The following ATAD2B variants were observed in gnomAD, a reference collection of about 807,000 sequenced individuals.
ATAD2B encodes ATPase family AAA domain-containing protein 2B.
ATAD2B carries 40 observed loss-of-function variants against 167.6 expected under a neutral mutation model. That is an observed-to-expected ratio of 0.24 (90% CI 0.19 to 0.31). The LOEUF (loss-of-function observed/expected upper bound fraction) is 0.31. ATAD2B is among the 10% of genes least tolerant of loss of function. ATAD2B has a pLI of 1.00. For missense variants in ATAD2B, 1,242 were observed against 1,757.2 expected, an observed-to-expected ratio of 0.71 and a Z score of 5.24; for synonymous variants, 579 against 596.5, an observed-to-expected ratio of 0.97 and a Z score of 0.43.
chr2:23,922,782 G>C (rs1202004937), intron 1 of ATAD2B, among the ~76,000 whole-genome samples: 1 of 150,568 alleles, frequency 6.6e-6, no homozygotes, highest in Non-Finnish European at 1.5e-5. Context: ...AATCATCAGG[G>C]AAATGCAAAT....
chr2:23,885,766 T>G lies in ATAD2B; in HGVS notation c.636A>C (p.Gly212=), dbSNP rs767072941. Residue 212 remains glycine, a synonymous_variant, in exon 5 of 28, where the codon GGA becomes GGC. Transcript: ENST00000238789. ...NINIRRNRRS[G]EVERLRMWTD... is the part of the protein sequence containing the mutation. ...TCCACATTCGAAGTCGTTCTACTTC[T>G]CCTGATCGACGATTCCGTCGGATGT... 6.2e-6 allele frequency: 10 copies of G among 1,600,566 alleles called. No individual in the cohort carries two copies. The Admixed American group carries it at 1.5e-4, about 25-fold the overall frequency.
At chr2:23,741,825 A>T in the ATAD2B span, among the ~76,000 whole-genome samples, 1 of 152,254 alleles carries the variant, frequency 6.6e-6, no homozygotes, top group Non-Finnish European at 1.5e-5. Flanking sequence ...GCTAATATTC[A>T]GAATCTACAA....
chr2:23,699,485 C>T, the ATAD2B span, among the ~76,000 whole-genome samples: 2 of 152,230 alleles, frequency 1.3e-5, no homozygotes, highest in Non-Finnish European at 2.9e-5. Context: ...GATATTCCAG[C>T]TTCCCCATGA....
the ATAD2B span, among the ~76,000 whole-genome samples, chr2:23,718,169 G>A: frequency 3.3e-5 from 5 of 152,222 alleles, no homozygotes; most frequent in Admixed American, 6.5e-5. Flanking sequence ...AAACTGGGTA[G>A]GAAAAGGAAG....
At chr2:23,808,080 A>ATTATATATATAATTATATATATAAGTAG (rs1684858213) in intron 18 of ATAD2B, among the ~76,000 whole-genome samples, 1 of 132,702 alleles carries the variant, frequency 7.5e-6, no homozygotes, top group African/African-American at 2.8e-5. Context: ...TATATAAGTA[A>ATTATATATATAATTATATATATAAGTAG]TTATATATAT....
chr2:23,720,042 G>A, the ATAD2B span, among the ~76,000 whole-genome samples: 2 of 152,202 alleles, frequency 1.3e-5, no homozygotes, highest in African/African-American at 2.4e-5. Context: ...TCATTTACTA[G>A]GGCTGAGGTA....
intron 20 of ATAD2B, among the ~76,000 whole-genome samples, chr2:23,787,741 G>C (rs1165990527): frequency 6.6e-6 from 1 of 151,970 alleles, no homozygotes; most frequent in East Asian, 1.9e-4. Flanking sequence ...ATGGAACAAG[G>C]GTAAAGAGGC....
chr2:23,922,890 T>G (rs1013461883), intron 1 of ATAD2B, among the ~76,000 whole-genome samples: 1 of 152,008 alleles, frequency 6.6e-6, no homozygotes, highest in African/African-American at 2.4e-5. Flanking sequence ...AAAAAGGGAA[T>G]CCTGGTACAT....
At chr2:23,912,996 A>G (rs1702522894) in intron 1 of ATAD2B, among the ~76,000 whole-genome samples, 2 of 152,188 alleles carry the variant, frequency 1.3e-5, no homozygotes, top group Admixed American at 6.5e-5. Context: ...AATCTGTCTC[A>G]AAAATAAATA....
intron 13 of ATAD2B, among the ~76,000 whole-genome samples, chr2:23,852,540 G>C (rs1352367740): frequency 1.3e-5 from 2 of 152,120 alleles, no homozygotes; most frequent in Non-Finnish European, 2.9e-5. Context: ...TTTTATATTA[G>C]CAAGTGGAAT....
intron 19 of ATAD2B, among the ~76,000 whole-genome samples, chr2:23,793,607 T>C (rs181571362): frequency 6.6e-6 from 1 of 152,354 alleles, no homozygotes; most frequent in East Asian, 1.9e-4. Context: ...GAAAAAATAT[T>C]TTAAAAGAAA....
chr2:23,824,827 G>A (rs1687998194), intron 15 of ATAD2B, among the ~76,000 whole-genome samples: 1 of 152,206 alleles, frequency 6.6e-6, no homozygotes, highest in Admixed American at 6.5e-5. Flanking sequence ...TGTTTTCCCT[G>A]TTGGCAATTA....
chr2:23,777,004 A>G (rs1679246273), intron 22 of ATAD2B, among the ~76,000 whole-genome samples: 1 of 152,158 alleles, frequency 6.6e-6, no homozygotes, highest in African/African-American at 2.4e-5. Flanking sequence ...GATAATTAAA[A>G]TGAGGACATA....
the ATAD2B span, among the ~76,000 whole-genome samples, chr2:23,740,124 A>G: frequency 3.3e-5 from 5 of 152,228 alleles, no homozygotes; most frequent in African/African-American, 1.2e-4. Context: ...CCAGAGGTAC[A>G]AAGAGGAGCT....
intron 7 of ATAD2B, among the ~76,000 whole-genome samples, chr2:23,878,025 A>AAAAAAAAAAAAAAAGAAAAAAAAAAAAAG (rs1558713989): frequency 1.1e-4 from 12 of 106,960 alleles, no homozygotes; most frequent in Admixed American, 2.9e-4. Context: ...AAAAAAAAAA[A>AAAAAAAAAAAAAAAGAAAAAAAAAAAAAG]AAAAAAAAAA....
intron 13 of ATAD2B, among the ~76,000 whole-genome samples, chr2:23,848,323 C>T (rs137916960): frequency 7.1e-4 from 108 of 151,262 alleles, no homozygotes; most frequent in African/African-American, 2.0e-3. Flanking sequence ...CTACTAAAAA[C>T]ACAAAAATTA....
At chr2:23,703,136 CCCGCACAAGGT>C in the ATAD2B span, 1 of 1,329,174 alleles carries the variant, frequency 7.5e-7, no homozygotes, top group Non-Finnish European at 9.9e-7. Flanking sequence ...TGACCTCTGC[CCCGCACAAGGT>C]CCATCTTGAC....
At chr2:23,742,957 T>A in the ATAD2B span, among the ~76,000 whole-genome samples, 1 of 151,830 alleles carries the variant, frequency 6.6e-6, no homozygotes, top group Non-Finnish European at 1.5e-5. Flanking sequence ...CCCAGACAGG[T>A]CTGTGAAATT....
rs1050469961 is a variant in ATAD2B, at chr2:23,794,685, C to G, written c.2640+3453G>C. On this transcript the variant is annotated intron_variant, in intron 19 of 27. Transcript: ENST00000238789. ...GAAATAATATATTATAAACCATATA[C>G]ACATGAAATATACTGTACTATTAAA... Among the ~76,000 whole-genome samples, 4 of 151,930 alleles carry G rather than the reference C, an allele frequency of 2.6e-5. No individual in the cohort carries two copies. In the East Asian group the frequency reaches 7.7e-4, roughly 29 times the overall value.
Sources: allele counts gnomAD v4.1 joint callset (sites outside exome capture counted in the v4.1 genomes callset), GRCh38; gene constraint gnomAD v4.1.1; transcripts MANE v1.5; gene names NCBI Gene and HGNC (gene_info 2026-07-23, HGNC 2026-07-21).